The following ESRP1 variants were observed in gnomAD, a reference collection of about 807,000 sequenced individuals.
ESRP1 encodes the protein epithelial splicing regulatory protein 1.
Under a neutral mutation model 81.7 loss-of-function variants are expected in ESRP1, and 33 were observed. That is an observed-to-expected ratio of 0.40 (90% CI 0.31 to 0.54). The LOEUF is 0.54. Ranked by LOEUF, ESRP1 falls within the 20% of genes least tolerant of loss-of-function variation. The pLI, the probability that ESRP1 is intolerant of heterozygous loss-of-function variation, is 0.41. For synonymous variants in ESRP1, 320 were observed against 303.3 expected, an observed-to-expected ratio of 1.06 and a Z score of -0.57; for missense variants, 672 against 833.1, an observed-to-expected ratio of 0.81 and a Z score of 2.38.
chr8:94,699,026 T>C (rs985615187), intron 15 of ESRP1, among the ~76,000 whole-genome samples: 4 of 152,202 alleles, frequency 2.6e-5, no homozygotes, highest in African/African-American at 9.6e-5. Context: ...CCTGTTGATA[T>C]CCATTTTGGT....
intron 4 of ESRP1, among the ~76,000 whole-genome samples, chr8:94,661,332 G>A (rs183698184): frequency 6.6e-6 from 1 of 152,284 alleles, no homozygotes; most frequent in African/African-American, 2.4e-5. Flanking sequence ...GTGAGTCACT[G>A]TGCCCATCTG....
chr8:94,655,267 ATTTTAC>A (rs916130018), intron 4 of ESRP1, among the ~76,000 whole-genome samples: 7 of 150,848 alleles, frequency 4.6e-5, no homozygotes, highest in African/African-American at 1.2e-4. Flanking sequence ...TAATTTTTGT[ATTTTAC>A]TTTTAGTTTC....
Position 94,706,229 on chromosome 8 carries a change from A to T in ESRP1, c.*340A>T. On this transcript the variant is annotated 3_prime_UTR_variant, in exon 16 of 16. Coordinates refer to ENST00000433389, the MANE Select transcript of ESRP1 (RefSeq NM_017697.4). ...AAAGTGGCATCATAGGTGTTTCCTA[A>T]GTTTTAAGTCTTGGATAAAAACTCC... is the stretch of plus-strand genomic sequence containing the variant. 1 of 364,308 alleles carries T rather than the reference A, an allele frequency of 2.7e-6. No individual in the cohort carries two copies. 22.6% of individuals were successfully genotyped at this position (364,308 alleles called of 1,614,324 possible).
chr8:94,687,594 T>C (rs553443376), intron 13 of ESRP1, among the ~76,000 whole-genome samples: 26 of 152,342 alleles, frequency 1.7e-4, no homozygotes, highest in African/African-American at 5.8e-4. Flanking sequence ...TTCCAATTCT[T>C]ACTGTCTTTA....
intron 15 of ESRP1, among the ~76,000 whole-genome samples, chr8:94,702,773 A>G (rs1476744748): frequency 6.6e-6 from 1 of 152,004 alleles, no homozygotes; most frequent in Non-Finnish European, 1.5e-5. Flanking sequence ...GTGAGCCGCC[A>G]CGCCCAGCCT....
intron 12 of ESRP1, 50 bp from the exon 13 acceptor site, chr8:94,678,153 A>G (rs1194922503): frequency 1.1e-5 from 17 of 1,584,046 alleles, no homozygotes; most frequent in Non-Finnish European, 1.5e-5. Context: ...TAGCACGTGC[A>G]TGTCAGCTGT....
chr8:94,700,969 G>A (rs180817845), intron 15 of ESRP1, among the ~76,000 whole-genome samples: 40 of 139,472 alleles, frequency 2.9e-4, no homozygotes, highest in African/African-American at 1.0e-3. Context: ...GTGTGTGTGT[G>A]TGTGTGTGTG....
chr8:94,643,211 C>A (rs1302367588), intron 2 of ESRP1, 92 bp from the exon 3 acceptor site: 5 of 806,266 alleles, frequency 6.2e-6, no homozygotes, highest in South Asian at 1.6e-5. Context: ...GCCCTTATTG[C>A]GGTTTTCTCT....
intron 4 of ESRP1, among the ~76,000 whole-genome samples, chr8:94,647,713 C>A (rs1387487706): frequency 2.0e-5 from 3 of 152,168 alleles, no homozygotes; most frequent in South Asian, 2.1e-4. Flanking sequence ...GTGGAGGACA[C>A]AATTCAGTTC....
intron 12 of ESRP1, among the ~76,000 whole-genome samples, chr8:94,675,769 T>C (rs1819558428): frequency 6.6e-6 from 1 of 152,178 alleles, no homozygotes; most frequent in Admixed American, 6.5e-5. Context: ...TCATTACAGA[T>C]TTTTCCTCTG....
Position 94,671,686 on chromosome 8 carries a change from T to C in ESRP1, c.1452+15T>C, listed in dbSNP as rs1819336542. ...TGAATCACCAGGTAAGAAAGATACT[T>C]AGTGGAAAACTTATTTGCTTTTTCT... On this transcript the variant is annotated intron_variant, in intron 11 of 15. Coordinates refer to ENST00000433389, the MANE Select transcript of ESRP1 (RefSeq NM_017697.4). The C allele has an allele frequency of 6.9e-6, 11 of 1,605,082 alleles. No homozygotes were observed. The highest frequency in any genetic ancestry group is 9.4e-6 in the Non-Finnish European group (11 of 1,173,888).
At chr8:94,704,207 T>C (rs1809964454) in intron 15 of ESRP1, among the ~76,000 whole-genome samples, 1 of 133,366 alleles carries the variant, frequency 7.5e-6, no homozygotes, top group South Asian at 2.3e-4. Context: ...CAGTTAGGAG[T>C]CTTCAGTTTC....
At chr8:94,701,657 T>C (rs1161272943) in intron 15 of ESRP1, among the ~76,000 whole-genome samples, 1 of 151,954 alleles carries the variant, frequency 6.6e-6, no homozygotes, top group Admixed American at 6.6e-5. Flanking sequence ...GTTGCCCCAG[T>C]CTGGTCTTGA....
chr8:94,679,472 G>A (rs80149953), intron 13 of ESRP1, among the ~76,000 whole-genome samples: 1 of 152,298 alleles, frequency 6.6e-6, no homozygotes, highest in Non-Finnish European at 1.5e-5. Context: ...ATGTCTGCCA[G>A]TGTTCTTGTT....
In ESRP1 at chr8:94,642,056, C is replaced by G; in HGVS notation, c.233C>G (p.Ala78Gly). ...TKIDVESLSS[A>G]SQLDQALRQF... is the part of the protein sequence containing the mutation. Reference sequence around the variant, plus strand: ...ATAGACGTCGAAAGCCTGTCCTCGGCGTCGCAGCTGGACCAAGCCCTCCGA... The same window carrying G: ...ATAGACGTCGAAAGCCTGTCCTCGGGGTCGCAGCTGGACCAAGCCCTCCGA... Residue 78 changes from alanine (A) to glycine (G), a missense_variant, in exon 2 of 16, where the codon GCG becomes GGG. Transcript: ENST00000433389. The G allele has an allele frequency of 2.5e-6, 4 of 1,613,124 alleles. No individual in the cohort carries two copies. Among genetic ancestry groups the G allele is most frequent in the Non-Finnish European group, 3.4e-6 (4 of 1,179,850 alleles).
intron 13 of ESRP1, among the ~76,000 whole-genome samples, chr8:94,685,808 C>T (rs1391115507): frequency 1.3e-5 from 2 of 150,846 alleles, no homozygotes; most frequent in Non-Finnish European, 3.0e-5. Flanking sequence ...CCAACAAAAA[C>T]AAAACAATGG....
rs1312635782 is a variant in ESRP1, at chr8:94,641,333, G to A, written c.15G>A (p.Pro5=). The A allele has an allele frequency of 5.6e-6, 9 of 1,607,870 alleles. No individual in the cohort carries two copies. The highest frequency in any genetic ancestry group is 1.3e-5 in the African/African-American group (1 of 74,538). The change falls in exon 1 of 16, where the codon CCG becomes CCA. Residue 5 remains proline, a synonymous_variant. Transcript: ENST00000433389. ...CACCTATCGTCATGACGGCCTCTCC[G>A]GATTACTTGGTGGTGCTTTTTGGGA... MTAS[P]DYLVVLFGIT... is the part of the protein sequence containing the mutation.
chr8:94,641,988 G>A lies in ESRP1; in HGVS notation c.165G>A (p.Pro55=), dbSNP rs1430164651. 3.7e-6 allele frequency: 6 copies of A among 1,613,882 alleles called. 1 individual carries two copies. The Middle Eastern group carries it at 4.9e-4, about 133-fold the overall frequency. The stretch of plus-strand genomic sequence containing the variant: ...AGTTGCACGAAGTGCTAGTTAGACC[G>A]GATCAGTTGGAACTGACGGAGGACT... ...VGQLHEVLVR[P]DQLELTEDCK... The change falls in exon 2 of 16, where the codon CCG becomes CCA. Residue 55 remains proline (P), a synonymous_variant. Coordinates refer to ENST00000433389, the MANE Select transcript of ESRP1 (RefSeq NM_017697.4).
rs1449563273 is a variant in ESRP1 at position 94,641,976 on chromosome 8, G to A, written c.153G>A (p.Val51=). 6.2e-7 allele frequency: 1 copy of A among 1,614,002 alleles called. No homozygotes were observed. The stretch of plus-strand genomic sequence containing the variant: ...CGGAGGTGGGACAGTTGCACGAAGT[G>A]CTAGTTAGACCGGATCAGTTGGAAC... ...ANKKVGQLHE[V]LVRPDQLELT... is the part of the protein sequence containing the mutation. Residue 51 remains valine (V), a synonymous_variant, in exon 2 of 16, where the codon GTG becomes GTA. Transcript: ENST00000433389.
Sources: gnomAD v4.1 joint callset for allele counts (sites outside exome capture counted in the v4.1 genomes callset) on GRCh38, gnomAD v4.1.1 for gene constraint, MANE v1.5 for transcripts, NCBI Gene and HGNC (gene_info 2026-07-23, HGNC 2026-07-21) for gene names.